Variants in VTI1A observed in about 807,000 individuals in gnomAD.
VTI1A encodes the protein vesicle transport through interaction with t-SNAREs 1A.
Under a neutral mutation model 34.9 loss-of-function variants are expected in VTI1A, and 22 were observed. The ratio of observed to expected loss-of-function variants is 0.63; its 90% confidence interval spans 0.45 to 0.90. The LOEUF is 0.90. Among genes scored for constraint, VTI1A ranks in the 40% least tolerant of loss-of-function variants. The probability of loss-of-function intolerance (pLI) is 0.00; values close to 1 mark genes in which losing one functional copy is unlikely to be tolerated. For missense variants in VTI1A, 268 were observed against 275.6 expected, an observed-to-expected ratio of 0.97 and a Z score of 0.20; for synonymous variants, 87 against 97.3, an observed-to-expected ratio of 0.89 and a Z score of 0.62.
the VTI1A span, among the ~76,000 whole-genome samples, chr10:112,830,848 TA>T: frequency 0.082 from 3,299 of 40,442 alleles, 229 homozygotes; most frequent in African/African-American, 0.17. Context: ...TATATATATA[TA>T]TTTTTTTTTT....
chr10:112,523,439 C>T (rs943722446), intron 3 of VTI1A, among the ~76,000 whole-genome samples: 3 of 151,892 alleles, frequency 2.0e-5, no homozygotes, highest in African/African-American at 7.2e-5. Context: ...ATATTTTTTT[C>T]TATAGTTCAT....
chr10:112,855,327 G>C, the VTI1A span, among the ~76,000 whole-genome samples: 1 of 152,122 alleles, frequency 6.6e-6, no homozygotes, highest in Non-Finnish European at 1.5e-5. Flanking sequence ...AGTCCAGAGA[G>C]GGTTCCTAAT....
At chr10:112,674,580 A>G (rs912129087) in intron 7 of VTI1A, among the ~76,000 whole-genome samples, 1 of 152,126 alleles carries the variant, frequency 6.6e-6, no homozygotes, top group African/African-American at 2.4e-5. Context: ...CTTGAATGCA[A>G]CACCTTATCT....
intron 7 of VTI1A, among the ~76,000 whole-genome samples, chr10:112,724,712 G>A (rs1849943175): frequency 6.6e-6 from 1 of 150,678 alleles, no homozygotes; most frequent in Non-Finnish European, 1.5e-5. Context: ...GATAAGGGTT[G>A]TGTTTTCATT....
chr10:112,564,176 C>A (rs537458064), intron 5 of VTI1A, among the ~76,000 whole-genome samples: 2 of 149,586 alleles, frequency 1.3e-5, no homozygotes, highest in Non-Finnish European at 1.5e-5. Context: ...ATAAATGCAA[C>A]CACAACTTGC....
chr10:112,703,539 C>G (rs1355575824), intron 7 of VTI1A, among the ~76,000 whole-genome samples: 1 of 151,914 alleles, frequency 6.6e-6, no homozygotes, highest in African/African-American at 2.4e-5. Context: ...GCACTCCAGC[C>G]TGGGCAACAA....
chr10:112,794,733 CATAAT>C (rs1253532453), intron 7 of VTI1A, among the ~76,000 whole-genome samples: 3 of 152,082 alleles, frequency 2.0e-5, no homozygotes, highest in African/African-American at 7.2e-5. Context: ...TTGCTTTTTA[CATAAT>C]ATATTATCAG....
chr10:112,607,075 T>G (rs1452922442), intron 5 of VTI1A, among the ~76,000 whole-genome samples: 1 of 151,974 alleles, frequency 6.6e-6, no homozygotes, highest in Non-Finnish European at 1.5e-5. Context: ...TGACCTGAGG[T>G]CAGGAGTTCG....
At chr10:112,560,485 A>G (rs1851687526) in intron 5 of VTI1A, among the ~76,000 whole-genome samples, 1 of 151,656 alleles carries the variant, frequency 6.6e-6, no homozygotes, top group Admixed American at 6.6e-5. Flanking sequence ...GGAGTAATCC[A>G]TTACTCATTT....
chr10:112,754,321 G>A (rs746105806), intron 7 of VTI1A, among the ~76,000 whole-genome samples: 5 of 151,910 alleles, frequency 3.3e-5, no homozygotes, highest in Admixed American at 6.6e-5. Context: ...CCCCCCTTTC[G>A]ATTCAGACTC....
chr10:112,654,776 C>T (rs991739820), intron 5 of VTI1A, among the ~76,000 whole-genome samples: 7 of 152,150 alleles, frequency 4.6e-5, no homozygotes, highest in African/African-American at 9.7e-5. Context: ...CCACCGCGCC[C>T]GGCCCCATTC....
chr10:112,603,884 A>C (rs777452533), intron 5 of VTI1A, among the ~76,000 whole-genome samples: 1 of 152,116 alleles, frequency 6.6e-6, no homozygotes, highest in Non-Finnish European at 1.5e-5. Context: ...AACACCCAGT[A>C]ACAATAACAA....
At chr10:112,698,284 A>G (rs1299285677) in intron 7 of VTI1A, among the ~76,000 whole-genome samples, 2 of 152,168 alleles carry the variant, frequency 1.3e-5, no homozygotes, top group African/African-American at 4.8e-5. Context: ...AGACTTGGGT[A>G]ATATGTCACT....
At chr10:112,723,056 C>G (rs1272406500) in intron 7 of VTI1A, among the ~76,000 whole-genome samples, 1 of 152,198 alleles carries the variant, frequency 6.6e-6, no homozygotes, top group Non-Finnish European at 1.5e-5. Flanking sequence ...TTTAATCACT[C>G]TGTGCCTCAA....
chr10:112,474,131 A>G (rs1325519467), intron 3 of VTI1A, among the ~76,000 whole-genome samples: 2 of 151,554 alleles, frequency 1.3e-5, no homozygotes, highest in South Asian at 2.1e-4. Flanking sequence ...GTGTGATCTC[A>G]GCTCACTGCA....
chr10:112,537,173 G>A (rs1850659528), intron 4 of VTI1A, among the ~76,000 whole-genome samples: 1 of 151,368 alleles, frequency 6.6e-6, no homozygotes, highest in African/African-American at 2.4e-5. Flanking sequence ...TTGTGGTTGT[G>A]TTTTTTCTTT....
chr10:112,471,031 C>A (rs1381116918), intron 3 of VTI1A, among the ~76,000 whole-genome samples: 2 of 152,126 alleles, frequency 1.3e-5, no homozygotes, highest in African/African-American at 2.4e-5. Context: ...GTTTACTTAA[C>A]TAATATTGAT....
Position 112,576,326 on chromosome 10 carries a change from C to G in VTI1A, c.427+37996C>G, listed in dbSNP as rs933554893. Among the ~76,000 whole-genome samples the G allele has an allele frequency of 2.2e-4, 34 of 152,322 alleles. 1 individual carries two copies. Among genetic ancestry groups the G allele is most frequent in the Admixed American group, 2.0e-3 (30 of 15,306 alleles). Reference sequence around the variant, plus strand: ...TGAGCCACCGCGCCCGGCCCCCTGCCTCTTCTAAAAGGGCCAGACCTAACA... The same window carrying G: ...TGAGCCACCGCGCCCGGCCCCCTGCGTCTTCTAAAAGGGCCAGACCTAACA... On this transcript the variant is annotated intron_variant, in intron 5 of 7. Transcript: ENST00000393077.
At chr10:112,572,698 C>T (rs893142330) in intron 5 of VTI1A, among the ~76,000 whole-genome samples, 14 of 152,008 alleles carry the variant, frequency 9.2e-5, no homozygotes, top group South Asian at 2.1e-4. Flanking sequence ...ATTAGCCGGG[C>T]GCGGTGGCGG....
Sources: allele counts gnomAD v4.1 joint callset (sites outside exome capture counted in the v4.1 genomes callset), GRCh38; gene constraint gnomAD v4.1.1; transcripts MANE v1.5; gene names NCBI Gene and HGNC (gene_info 2026-07-23, HGNC 2026-07-21).